Variants in PSG11 observed in about 807,000 individuals in gnomAD.
PSG11 encodes pregnancy specific beta-1-glycoprotein 11.
PSG11 carries 42 observed loss-of-function variants against 36.0 expected under a neutral mutation model. The ratio of observed to expected loss-of-function variants is 1.17; its 90% confidence interval spans 0.91 to 1.51. The LOEUF is 1.51. PSG11 is among the 40% of genes most tolerant of loss of function. PSG11 has a pLI of 0.00. For missense variants in PSG11, 558 were observed against 403.5 expected (o/e 1.38, Z -3.28); for synonymous variants, 206 against 153.5 (o/e 1.34, Z -2.53).
At chr19:43,016,029 G>A (rs772794443) in intron 3 of PSG11, 10 of 1,609,862 alleles carry the variant, frequency 6.2e-6, no homozygotes, top group Non-Finnish European at 8.5e-6. Context: ...TGGTGATGTA[G>A]GGCATGGGCA....
At chr19:43,021,920 A>C (rs1967110736) in intron 2 of PSG11, among the ~76,000 whole-genome samples, 1 of 151,382 alleles carries the variant, frequency 6.6e-6, no homozygotes, top group Non-Finnish European at 1.5e-5. Flanking sequence ...GTGACAGCAA[A>C]CTAGCATGGC....
At position 43,023,940 on chromosome 19, in the gene PSG11, CT is replaced by C. The variant is rs779789426; in HGVS notation, c.430+750del. 5.7e-4 allele frequency among the ~76,000 whole-genome samples: 87 copies of C among 151,584 alleles called. 2 individuals are homozygous for C. Among genetic ancestry groups the C allele is most frequent in the Admixed American group, 1.3e-3 (20 of 15,194 alleles). ...TTAATTTGCTTCCATGAGAAAGCAC[CT>C]TTACGTCAGATCCCTGTGGACAAGC... On this transcript the variant is annotated intron_variant, in intron 2 of 5. Transcript: ENST00000320078.
intron 4 of PSG11, chr19:43,010,723 G>T (rs924132823): frequency 1.2e-5 from 2 of 165,408 alleles, no homozygotes; most frequent in Non-Finnish European, 2.6e-5. Flanking sequence ...TCCCTCACAG[G>T]TGTCTTCCGT....
At position 43,024,719 on chromosome 19, in the gene PSG11, T is replaced by C. The variant is rs1038803748; in HGVS notation, c.402A>G (p.Val134=). ...ATAAGGTGAAGGTGAAATATCCAGT[T>C]ACTCCTCTAGTCCCATCACCTCGCT... ...IIKRGDGTRG[V]TGYFTFTLYL... The change falls in exon 2 of 6, where the codon GTA becomes GTG. Residue 134 remains valine (V), a synonymous_variant. Transcript: ENST00000320078. The C allele has an allele frequency of 3.7e-6, 6 of 1,611,104 alleles. 1 individual carries two copies. Among genetic ancestry groups the C allele is most frequent in the African/African-American group, 1.3e-5 (1 of 74,290 alleles).
chr19:43,019,974 G>GATACTTTCTC (rs1167603570), intron 2 of PSG11, among the ~76,000 whole-genome samples: 4 of 151,432 alleles, frequency 2.6e-5, no homozygotes, highest in Non-Finnish European at 4.4e-5. Context: ...AAGTCTTGCA[G>GATACTTTCTC]ATACTTTCTC....
At chr19:43,025,234 ATGTG>A (rs1266874069) in intron 1 of PSG11, 178 bp from the exon 2 acceptor site, 13 of 1,148,996 alleles carry the variant, frequency 1.1e-5, no homozygotes, top group Non-Finnish European at 1.6e-5. Flanking sequence ...GTGTATGTGT[ATGTG>A]TGTGTGTTCT....
At chr19:43,009,595 C>T (rs2041040242) in intron 5 of PSG11, among the ~76,000 whole-genome samples, 1 of 151,358 alleles carries the variant, frequency 6.6e-6, no homozygotes, top group Non-Finnish European at 1.5e-5. Flanking sequence ...ATTTCAAAGT[C>T]TGGAGACAAG....
chr19:43,024,028 AC>A (rs1196728018), intron 2 of PSG11, among the ~76,000 whole-genome samples: 1 of 151,366 alleles, frequency 6.6e-6, no homozygotes, highest in Admixed American at 6.6e-5. Flanking sequence ...CTTTCTATGG[AC>A]TGTCCTAAGC....
intron 3 of PSG11, chr19:43,015,897 T>C (rs750752761): frequency 6.2e-7 from 1 of 1,610,076 alleles, no homozygotes; most frequent in Admixed American, 1.7e-5. Flanking sequence ...TGGGTCGCTT[T>C]ACCCTGGGAC....
At chr19:43,012,710 A>G (rs1399423255) in intron 4 of PSG11, among the ~76,000 whole-genome samples, 2 of 151,502 alleles carry the variant, frequency 1.3e-5, no homozygotes, top group Admixed American at 6.6e-5. Context: ...GGACAGTGCT[A>G]CCCAAAGTGA....
chr19:43,008,938 G>A (rs1331861270), intron 5 of PSG11, among the ~76,000 whole-genome samples: 1 of 151,118 alleles, frequency 6.6e-6, no homozygotes, highest in Non-Finnish European at 1.5e-5. Flanking sequence ...TCCGTCTCCA[G>A]ACCTTTAAAC....
intron 3 of PSG11, among the ~76,000 whole-genome samples, chr19:43,016,363 G>C (rs1966966942): frequency 1.3e-5 from 2 of 151,118 alleles, no homozygotes; most frequent in South Asian, 4.2e-4. Flanking sequence ...TTGACTGGCT[G>C]GCTCACCTTG....
intron 4 of PSG11, chr19:43,014,501 C>T (rs1218606918): frequency 2.0e-6 from 2 of 977,192 alleles, no homozygotes; most frequent in Non-Finnish European, 2.4e-6. Context: ...GCAGCCTGGC[C>T]CGGGGGAGGC....
At chr19:43,013,778 C>T (rs1966889100) in intron 4 of PSG11, among the ~76,000 whole-genome samples, 1 of 151,320 alleles carries the variant, frequency 6.6e-6, no homozygotes, top group Non-Finnish European at 1.5e-5. Flanking sequence ...TGGACATACT[C>T]CCCATAGAAT....
intron 2 of PSG11, among the ~76,000 whole-genome samples, chr19:43,020,723 A>T (rs566312789): frequency 6.6e-6 from 1 of 151,388 alleles, no homozygotes; most frequent in African/African-American, 2.4e-5. Context: ...TTAAAAGGAC[A>T]GAACTGGTCA....
At chr19:43,025,931 T>TC (rs1403862625) in intron 1 of PSG11, among the ~76,000 whole-genome samples, 14 of 124,784 alleles carry the variant, frequency 1.1e-4, no homozygotes, top group Non-Finnish European at 2.1e-4. Flanking sequence ...TTTTTTTTTT[T>TC]TTCTCTTTTT....
intron 2 of PSG11, among the ~76,000 whole-genome samples, chr19:43,023,498 A>T (rs1345163740): frequency 6.6e-6 from 1 of 150,512 alleles, no homozygotes; most frequent in East Asian, 1.9e-4. Context: ...AGGCCTGGAC[A>T]TTTTTTTTGC....
In PSG11 at chr19:43,026,188, A is replaced by G. The variant is rs190269821; in HGVS notation, c.64+121T>C. On this transcript the variant is annotated intron_variant, in intron 1 of 5. Transcript: ENST00000320078. ...GAACTCCTGATCTCGTGATCCACCCACCTCAGCCTCCCTAAATGCTGGCTT... is the reference window on the plus strand; with the variant it reads ...GAACTCCTGATCTCGTGATCCACCCGCCTCAGCCTCCCTAAATGCTGGCTT... 9.1e-4 allele frequency: 1,326 copies of G among 1,451,972 alleles called. 49 individuals carry two copies. The African/African-American group carries it at 0.017, about 19-fold the overall frequency. The allele number at this position is 1,451,972 out of a possible 1,614,324, so 89.9% of individuals were successfully genotyped here. A position where few individuals can be genotyped will look rare whatever the true frequency, so the allele number is the denominator to read the frequency against.
chr19:43,017,277 A>G (rs931637095), intron 3 of PSG11: 2 of 151,568 alleles, frequency 1.3e-5, no homozygotes, highest in Admixed American at 6.6e-5. Flanking sequence ...TTTGTCATAT[A>G]CTTACTGGTT....
Sources: gnomAD v4.1 joint callset for allele counts (sites outside exome capture counted in the v4.1 genomes callset) on GRCh38, gnomAD v4.1.1 for gene constraint, MANE v1.5 for transcripts, NCBI Gene and HGNC (gene_info 2026-07-23, HGNC 2026-07-21) for gene names.